HPR: variants seen among roughly 807,000 people sequenced by gnomAD.
The protein encoded by HPR is haptoglobin-related protein.
HPR carries 17 observed loss-of-function variants against 18.5 expected under a neutral mutation model. The observed-to-expected ratio is 0.92, with a 90% CI of 0.63 to 1.38. The LOEUF (loss-of-function observed/expected upper bound fraction) is 1.38, where lower values mean the gene tolerates loss of function less well. Among genes scored for constraint, HPR ranks in the 40% most tolerant of loss-of-function variants. The pLI is 0.00. For synonymous variants in HPR, 176 were observed against 165.0 expected (o/e 1.07, Z -0.51); for missense variants, 457 against 432.4 (o/e 1.06, Z -0.51).
At chr16:72,064,589 G>T (rs2041578154) in intron 1 of HPR, among the ~76,000 whole-genome samples, 1 of 152,204 alleles carries the variant, frequency 6.6e-6, no homozygotes, top group East Asian at 1.9e-4. Flanking sequence ...AATGGAGTCA[G>T]GACACAGTAG....
intron 4 of HPR, among the ~76,000 whole-genome samples, chr16:72,075,742 G>A (rs1348328706): frequency 6.6e-6 from 1 of 152,164 alleles, no homozygotes; most frequent in African/African-American, 2.4e-5. Flanking sequence ...CATCTATAAA[G>A]TATGAGCTCC....
In HPR at chr16:72,076,620, C is replaced by T. The variant is rs759590148; in HGVS notation, c.586C>T (p.Gln196Ter). 2.5e-6 allele frequency: 4 copies of T among 1,614,196 alleles called. No homozygotes were observed. In the South Asian group the frequency reaches 3.3e-5, roughly 13 times the overall value. The change falls in exon 5 of 5, where the codon CAG (glutamine) becomes TAG (stop). Residue 196 changes from glutamine (Q) to a stop codon, truncating the protein, a stop_gained. Transcript: ENST00000540303. LOFTEE classifies it low-confidence loss of function (END_TRUNC). Reference sequence around the variant, plus strand: ...AGATATTGGGCTCATCAAACTCAAACAGAAGGTGCTTGTTAATGAGAGAGT... The same window carrying T: ...AGATATTGGGCTCATCAAACTCAAATAGAAGGTGCTTGTTAATGAGAGAGT... ...QVDIGLIKLK[Q>*]KVLVNERVMP...
chr16:72,066,521 T>C (rs2041599995), intron 1 of HPR, among the ~76,000 whole-genome samples: 1 of 151,812 alleles, frequency 6.6e-6, no homozygotes, highest in South Asian at 2.1e-4. Context: ...AGGGAAATAA[T>C]AATAAAAGGA....
At chr16:72,063,583 C>G (rs2041565428) in intron 1 of HPR, among the ~76,000 whole-genome samples, 1 of 152,008 alleles carries the variant, frequency 6.6e-6, no homozygotes, top group East Asian at 1.9e-4. Flanking sequence ...ATATTTTCCT[C>G]TTTAAAAATG....
In HPR at chr16:72,076,513, C is replaced by A. The variant is rs1399155555; in HGVS notation, c.479C>A (p.Ala160Asp). ...HSENATAKDI[A>D]PTLTLYVGKK... ...GAAAATGCAACAGCGAAAGACATTG[C>A]CCCTACTTTAACACTCTATGTGGGG... is the stretch of plus-strand genomic sequence containing the variant. Residue 160 changes from alanine (A) to aspartate (D), a missense_variant, in exon 5 of 5, where the codon GCC becomes GAC. Ala to Asp is a moderately radical substitution (Grantham distance 126). Coordinates refer to ENST00000540303, the MANE Select transcript of HPR (RefSeq NM_020995.4). The A allele has an allele frequency of 6.2e-7, 1 of 1,614,010 alleles. No homozygotes were observed. Among genetic ancestry groups the A allele is most frequent in the Non-Finnish European group, 8.5e-7 (1 of 1,180,016 alleles).
intron 1 of HPR, 83 bp from the exon 2 acceptor site, chr16:72,073,809 T>C: frequency 6.2e-7 from 1 of 1,605,598 alleles, no homozygotes; most frequent in South Asian, 1.1e-5. Context: ...TGTGTGTGTG[T>C]ACATGCCTGT....
intron 4 of HPR, among the ~76,000 whole-genome samples, chr16:72,075,807 C>T (rs1255235426): frequency 6.6e-6 from 1 of 151,986 alleles, no homozygotes; most frequent in East Asian, 1.9e-4. Context: ...TATTGTAGCT[C>T]CTAGCCCTTT....
intron 1 of HPR, among the ~76,000 whole-genome samples, chr16:72,068,473 A>G (rs1193378047): frequency 5.3e-5 from 8 of 152,306 alleles, no homozygotes; most frequent in Non-Finnish European, 1.2e-4. Flanking sequence ...GGAAAACCTG[A>G]GCATCTCCTG....
In HPR at chr16:72,075,416, T is replaced by C. The variant is rs565343208; in HGVS notation, c.268+197T>C. Among the ~76,000 whole-genome samples, 197 of 152,162 alleles carry C rather than the reference T, an allele frequency of 1.3e-3. 1 individual carries two copies. Among genetic ancestry groups the C allele is most frequent in the Admixed American group, 5.8e-3 (89 of 15,296 alleles). ...CTAAGGATCACCAGGGTCTTGTTCA[T>C]TGGGGCCTGAAGGGCACTGGCTGAA... On this transcript the variant is annotated intron_variant, in intron 4 of 4. Transcript: ENST00000540303.
At position 72,077,117 on chromosome 16, in the gene HPR, G is replaced by A; in HGVS notation, c.*36G>A. The A allele has an allele frequency of 6.3e-7, 1 of 1,580,720 alleles. No individual in the cohort carries two copies. Among genetic ancestry groups the A allele is most frequent in the Non-Finnish European group, 8.6e-7 (1 of 1,160,518 alleles). On this transcript the variant is annotated 3_prime_UTR_variant, in exon 5 of 5. Coordinates refer to ENST00000540303, the MANE Select transcript of HPR (RefSeq NM_020995.4). ...GCCGGAAGCCCTTGCCTGAAAGCAAGATTTCAGCCTGGAAGAGGGCAAAGT... is the reference window on the plus strand; with the variant it reads ...GCCGGAAGCCCTTGCCTGAAAGCAAAATTTCAGCCTGGAAGAGGGCAAAGT...
At chr16:72,073,727 C>A (rs769174752) in intron 1 of HPR, 165 bp from the exon 2 acceptor site, 37 of 1,538,960 alleles carry the variant, frequency 2.4e-5, no homozygotes, top group Non-Finnish European at 3.1e-5. Context: ...CTAGCACTTC[C>A]ATATATTGAT....
intron 1 of HPR, among the ~76,000 whole-genome samples, chr16:72,070,393 C>T (rs554965225): frequency 1.3e-5 from 2 of 152,338 alleles, no homozygotes; most frequent in Non-Finnish European, 1.5e-5. Flanking sequence ...TAGCGTCAGC[C>T]TGGAGACCAT....
At position 72,074,742 on chromosome 16, in the gene HPR, T is replaced by C. The variant is rs568722605; in HGVS notation, c.193+357T>C. On this transcript the variant is annotated intron_variant, in intron 3 of 4. Coordinates refer to ENST00000540303, the MANE Select transcript of HPR (RefSeq NM_020995.4). ...CTGGCACTGCTCTAAGGGCTTTATA[T>C]TTATTTGCTCACTTAGTCCTTACAG... 71 of 701,246 alleles carry C rather than the reference T, an allele frequency of 1.0e-4. 1 individual carries two copies. The highest frequency in any genetic ancestry group is 3.1e-4 in the South Asian group (21 of 66,778). 43.4% of individuals were successfully genotyped at this position (701,246 alleles called of 1,614,324 possible). A position where few individuals can be genotyped will look rare whatever the true frequency, so the allele number is the denominator to read the frequency against.
rs749093819 is a variant in HPR, at chr16:72,076,532, T to C, written c.498T>C (p.Tyr166=). The stretch of plus-strand genomic sequence containing the variant: ...ACATTGCCCCTACTTTAACACTCTA[T>C]GTGGGGAAAAAGCAGCTTGTAGAGA... The part of the protein sequence containing the change: ...AKDIAPTLTL[Y]VGKKQLVEIE... The change falls in exon 5 of 5, where the codon TAT becomes TAC. Residue 166 remains tyrosine, a synonymous_variant. Coordinates refer to ENST00000540303, the MANE Select transcript of HPR (RefSeq NM_020995.4). 1.7e-5 allele frequency: 27 copies of C among 1,614,038 alleles called. No homozygotes were observed. The highest frequency in any genetic ancestry group is 2.3e-5 in the Non-Finnish European group (27 of 1,179,988).
chr16:72,071,316 A>G (rs960487503), intron 1 of HPR, among the ~76,000 whole-genome samples: 2 of 152,226 alleles, frequency 1.3e-5, no homozygotes, highest in African/African-American at 4.8e-5. Flanking sequence ...TAAATATTCC[A>G]TCTGCACTTT....
At chr16:72,068,808 A>G (rs532507191) in intron 1 of HPR, among the ~76,000 whole-genome samples, 5 of 152,184 alleles carry the variant, frequency 3.3e-5, no homozygotes, top group Non-Finnish European at 4.4e-5. Flanking sequence ...TTAGAGAGCT[A>G]TTTTAAATAA....
At chr16:72,065,867 T>C (rs1301900601) in intron 1 of HPR, among the ~76,000 whole-genome samples, 1 of 152,124 alleles carries the variant, frequency 6.6e-6, no homozygotes, top group Admixed American at 6.5e-5. Flanking sequence ...TGGGATCCCC[T>C]AGACTGTCTT....
chr16:72,065,062 C>T (rs1356798084), intron 1 of HPR, among the ~76,000 whole-genome samples: 5 of 152,152 alleles, frequency 3.3e-5, no homozygotes, highest in Admixed American at 6.5e-5. Context: ...GCTGAAAGTT[C>T]ATGAATGGTA....
At chr16:72,073,679 G>A (rs558020017) in intron 1 of HPR, 35 of 1,446,956 alleles carry the variant, frequency 2.4e-5, no homozygotes, top group South Asian at 1.1e-4. Context: ...CAGCTAAAGC[G>A]TGTATGTGGG....
Sources: gnomAD v4.1 joint callset for allele counts (sites outside exome capture counted in the v4.1 genomes callset) on GRCh38, gnomAD v4.1.1 for gene constraint, MANE v1.5 for transcripts, NCBI Gene and HGNC (gene_info 2026-07-23, HGNC 2026-07-21) for gene names.